The following PITPNM2 variants were observed in gnomAD, a reference collection of about 807,000 sequenced individuals.
PITPNM2 encodes membrane-associated phosphatidylinositol transfer protein 2.
In PITPNM2, 35 loss-of-function variants were observed where a neutral mutation model predicts 132.2. The observed-to-expected ratio is 0.26, with a 90% CI of 0.20 to 0.35. PITPNM2 has a LOEUF of 0.35. Ranked by LOEUF, PITPNM2 falls within the 10% of genes least tolerant of loss-of-function variation. The probability of loss-of-function intolerance (pLI) is 1.00; values close to 1 mark genes in which losing one functional copy is unlikely to be tolerated. For synonymous variants in PITPNM2, 738 were observed against 799.2 expected, an observed-to-expected ratio of 0.92 and a Z score of 1.29; for missense variants, 1,332 against 1,912.0, an observed-to-expected ratio of 0.70 and a Z score of 5.66.
chr12:123,000,516 G>A lies in PITPNM2; in HGVS notation c.1224+262C>T, dbSNP rs1037970837. On this transcript the variant is annotated intron_variant, in intron 10 of 25. Transcript: ENST00000320201. This position sits in a 1 kb window ranked among gnomAD's most constrained non-coding sequence, Gnocchi z 5.4. Reference sequence around the variant, plus strand: ...AGTTTCTCATTTTACTTTCCCATGGGTGGAGCTTGGATAAGGCTTTCTCAG... The same window carrying A: ...AGTTTCTCATTTTACTTTCCCATGGATGGAGCTTGGATAAGGCTTTCTCAG... The A allele has an allele frequency of 4.3e-6, 3 of 700,508 alleles. No individual in the cohort carries two copies. Among genetic ancestry groups the A allele is most frequent in the Non-Finnish European group, 7.8e-6 (3 of 383,766 alleles). The allele number at this position is 700,508 out of a possible 1,614,324, so 43.4% of individuals were successfully genotyped here.
Position 123,000,628 on chromosome 12 carries a change from C to T in PITPNM2, c.1224+150G>A. The T allele has an allele frequency of 2.3e-6, 2 of 882,752 alleles. No individual in the cohort carries two copies. The highest frequency in any genetic ancestry group is 1.7e-6 in the Non-Finnish European group (1 of 572,318). 54.7% of individuals were successfully genotyped at this position (882,752 alleles called of 1,614,324 possible). A position where few individuals can be genotyped will look rare whatever the true frequency, so the allele number is the denominator to read the frequency against. On this transcript the variant is annotated intron_variant, in intron 10 of 25. Coordinates refer to ENST00000320201, the MANE Select transcript of PITPNM2 (RefSeq NM_020845.3). The surrounding 1 kb of genome is among the most constrained non-coding windows in gnomAD (Gnocchi z 5.4). ...TAGCAGGGCAGCAAAAAAGGAGGCC[C>T]AGGCCTCTCCCCAGACAGTACCCAG...
rs2038843258 is a variant in PITPNM2 at position 123,004,583 on chromosome 12, G to T, written c.953-94C>A. 2 of 1,155,640 alleles carry T rather than the reference G, an allele frequency of 1.7e-6. No individual in the cohort carries two copies. Among genetic ancestry groups the T allele is most frequent in the Non-Finnish European group, 2.6e-6 (2 of 776,088 alleles). The allele number at this position is 1,155,640 out of a possible 1,614,324, so 71.6% of individuals were successfully genotyped here. On this transcript the variant is annotated intron_variant, in intron 7 of 25. Coordinates refer to ENST00000320201, the MANE Select transcript of PITPNM2 (RefSeq NM_020845.3). The surrounding 1 kb of genome is among the most constrained non-coding windows in gnomAD (Gnocchi z 4.9). ...AGGAGGCAGGGAGGGCCACCCACAG[G>T]CCTGACAGGCATCACAGAGGCTGCC... is the stretch of plus-strand genomic sequence containing the variant.
chr12:123,069,812 T>A (rs1313880297), intron 2 of PITPNM2, among the ~76,000 whole-genome samples: 1 of 152,132 alleles, frequency 6.6e-6, no homozygotes, highest in South Asian at 2.1e-4. Flanking sequence ...GATAAAAGAT[T>A]TTAATTCCAA....
intron 1 of PITPNM2, among the ~76,000 whole-genome samples, chr12:123,121,605 G>C (rs1196558454): frequency 6.6e-6 from 1 of 151,994 alleles, no homozygotes; most frequent in Non-Finnish European, 1.5e-5. Context: ...GGAGTGCAGG[G>C]GCATGATTAC....
Position 123,099,118 on chromosome 12 carries a change from G to A in PITPNM2, c.-96+11267C>T, listed in dbSNP as rs1323933949. Among the ~76,000 whole-genome samples, 2 of 151,890 alleles carry A rather than the reference G, an allele frequency of 1.3e-5. No homozygotes were observed. The highest frequency in any genetic ancestry group is 4.8e-5 in the African/African-American group (2 of 41,324). On this transcript the variant is annotated intron_variant, in intron 2 of 25. Transcript: ENST00000320201. This position sits in a 1 kb window ranked among gnomAD's most constrained non-coding sequence, Gnocchi z 4.2. ...ACATGTGTCTATACCCCCATCCCAG[G>A]GGCTGAGTTCCCCTTCCTCACTGGA...
intron 2 of PITPNM2, among the ~76,000 whole-genome samples, chr12:123,086,882 G>A (rs1046800818): frequency 6.6e-6 from 1 of 152,240 alleles, no homozygotes; most frequent in South Asian, 2.1e-4. Flanking sequence ...AAAGGTCTCA[G>A]AGCAGGTCCC....
At chr12:123,066,478 T>C (rs1269190640) in intron 2 of PITPNM2, among the ~76,000 whole-genome samples, 2 of 152,150 alleles carry the variant, frequency 1.3e-5, no homozygotes, top group Non-Finnish European at 2.9e-5. Context: ...CCACTGCCTT[T>C]GTGGAGTGAG....
At chr12:123,122,394 G>A (rs1459266225) in intron 1 of PITPNM2, among the ~76,000 whole-genome samples, 7 of 152,198 alleles carry the variant, frequency 4.6e-5, no homozygotes, top group African/African-American at 9.6e-5. Flanking sequence ...CCTGGGAGGC[G>A]GAGGTTGCAG....
At chr12:123,148,948 A>G (rs925232317) in intron 1 of PITPNM2, among the ~76,000 whole-genome samples, 1 of 152,116 alleles carries the variant, frequency 6.6e-6, no homozygotes, top group Non-Finnish European at 1.5e-5. Flanking sequence ...TGGGAGCACC[A>G]TGCCTTTGAA....
intron 2 of PITPNM2, among the ~76,000 whole-genome samples, chr12:123,041,087 C>T (rs1451174274): frequency 6.6e-6 from 1 of 152,222 alleles, no homozygotes; most frequent in Non-Finnish European, 1.5e-5. Context: ...TCAGCTAGAC[C>T]TTCTGCCACC....
chr12:123,068,302 C>T (rs535998653), intron 2 of PITPNM2, among the ~76,000 whole-genome samples: 2 of 152,052 alleles, frequency 1.3e-5, no homozygotes, highest in Non-Finnish European at 2.9e-5. Flanking sequence ...CCCGTCTCTA[C>T]TAAAAATACA....
rs568994551 is a variant in PITPNM2 at position 123,005,366 on chromosome 12, C to T, written c.826G>A (p.Val276Ile). 1.2e-5 allele frequency: 20 copies of T among 1,614,162 alleles called. No individual in the cohort carries two copies. Among genetic ancestry groups the T allele is most frequent in the African/African-American group, 9.3e-5 (7 of 75,068 alleles). ...EATELVKHEA[V>I]SDQTSGEPPE... ...GGCTCCCCAGAGGTCTGGTCCGAGA[C>T]GGCTTCGTGCTTGACGAGCTCAGTG... Residue 276 changes from valine to isoleucine, a missense_variant, in exon 7 of 26, where the codon GTC (valine) becomes ATC (isoleucine). By Grantham distance (29) the Val-to-Ile change is conservative (BLOSUM62 3). Around this residue, in one of 6 missense-constraint regions of PITPNM2, gnomAD observed 710 missense variants for 911.5 expected, o/e 0.78. Coordinates refer to ENST00000320201, the MANE Select transcript of PITPNM2 (RefSeq NM_020845.3). This position sits in a 1 kb window ranked among gnomAD's most constrained non-coding sequence, Gnocchi z 6.2.
Position 123,013,908 on chromosome 12 carries a change from G to A in PITPNM2, c.213C>T (p.Ser71=). The A allele has an allele frequency of 6.2e-7, 1 of 1,614,278 alleles. No homozygotes were observed. Among genetic ancestry groups the A allele is most frequent in the East Asian group, 2.2e-5 (1 of 44,888 alleles). ...CCTTGGGCAGGATGGAGCGGAACCA[G>A]CTGGGAATGTGCATGCCCACATGAT... The part of the protein sequence containing the change: ...KVYHVGMHIP[S]WFRSILPKAA... Residue 71 remains serine (S), a synonymous_variant, in exon 4 of 26, where the codon AGC becomes AGT. Coordinates refer to ENST00000320201, the MANE Select transcript of PITPNM2 (RefSeq NM_020845.3).
chr12:123,079,167 C>T (rs933894330), intron 2 of PITPNM2, among the ~76,000 whole-genome samples: 5 of 151,988 alleles, frequency 3.3e-5, no homozygotes, highest in Non-Finnish European at 5.9e-5. Context: ...ATCCTCCAGC[C>T]TCCTATCTCT....
intron 6 of PITPNM2, chr12:123,007,541 T>C: frequency 2.8e-6 from 1 of 354,358 alleles, no homozygotes; most frequent in Non-Finnish European, 5.5e-6. Context: ...GTGTACCCTC[T>C]TTTCCTGCCT....
rs2038338700 is a variant in PITPNM2 at position 122,994,634 on chromosome 12, G to A, written c.2233+167C>T. ...GTCACGGACGGCCAGTGACTGAGCT[G>A]CTGAAGCAGGAGCAGAGGATAGCAA... On this transcript the variant is annotated intron_variant, in intron 15 of 25. Coordinates refer to ENST00000320201, the MANE Select transcript of PITPNM2 (RefSeq NM_020845.3). The surrounding 1 kb of genome is among the most constrained non-coding windows in gnomAD (Gnocchi z 5.4). Among the ~76,000 whole-genome samples the A allele has an allele frequency of 6.6e-6, 1 of 152,202 alleles. No homozygotes were observed. The highest frequency in any genetic ancestry group is 2.4e-5 in the African/African-American group (1 of 41,448).
At chr12:123,080,345 A>C (rs1416753804) in intron 2 of PITPNM2, among the ~76,000 whole-genome samples, 1 of 152,134 alleles carries the variant, frequency 6.6e-6, no homozygotes, top group Non-Finnish European at 1.5e-5. Context: ...CAGCCTCCTG[A>C]GTATCTGGAA....
intron 2 of PITPNM2, among the ~76,000 whole-genome samples, chr12:123,072,730 C>G (rs1592991968): frequency 6.6e-6 from 1 of 152,188 alleles, no homozygotes; most frequent in Non-Finnish European, 1.5e-5. Context: ...TTCAGGATGC[C>G]GAAGGCAGCA....
intron 2 of PITPNM2, among the ~76,000 whole-genome samples, chr12:123,070,667 C>T (rs1415591835): frequency 1.3e-5 from 2 of 152,344 alleles, no homozygotes; most frequent in South Asian, 2.1e-4. Context: ...TGTGCCACTT[C>T]CTCAAGCCAG....
Sources: allele counts gnomAD v4.1 joint callset (sites outside exome capture counted in the v4.1 genomes callset), GRCh38; gene constraint gnomAD v4.1.1; regional missense constraint gnomAD v4.1.1; non-coding constraint Gnocchi (gnomAD v3.1); transcripts MANE v1.5; gene names NCBI Gene and HGNC (gene_info 2026-07-23, HGNC 2026-07-21).